The following CAT variants were observed in gnomAD, a reference collection of about 807,000 sequenced individuals.
CAT encodes catalase.
A neutral mutation model predicts 59.0 loss-of-function variants in CAT; 43 were observed. That is an observed-to-expected ratio of 0.73 (90% CI 0.57 to 0.94). The LOEUF (loss-of-function observed/expected upper bound fraction) is 0.94. Ranked by LOEUF, CAT falls within the 40% of genes least tolerant of loss-of-function variation. The probability of loss-of-function intolerance (pLI) is 0.00; values close to 1 mark genes in which losing one functional copy is unlikely to be tolerated. For synonymous variants in CAT, 218 were observed against 230.9 expected (o/e 0.94, Z 0.51); for missense variants, 664 against 682.9 (o/e 0.97, Z 0.31).
At position 34,461,339 on chromosome 11, in the gene CAT, G is replaced by T. The variant is rs777189700; in HGVS notation, c.1145G>T (p.Arg382Leu). 39 of 1,614,070 alleles carry T rather than the reference G, an allele frequency of 2.4e-5. No homozygotes were observed. The highest frequency in any genetic ancestry group is 3.2e-5 in the Non-Finnish European group (38 of 1,180,034). The stretch of plus-strand genomic sequence containing the variant: ...CCTGTGAACTGTCCCTACCGTGCTC[G>T]AGTGGCCAACTACCAGCGTGACGGC... ...HIPVNCPYRARVANYQRDGPM... is the reference protein window; with the variant it reads ...HIPVNCPYRALVANYQRDGPM... The change falls in exon 9 of 13, where the codon CGA becomes CTA. Residue 382 changes from arginine to leucine, a missense_variant. Transcript: ENST00000241052.
chr11:34,456,078 A>G lies in CAT; in HGVS notation c.779A>G (p.Tyr260Cys), dbSNP rs775923369. ...AARLSQEDPD[Y>C]GIRDLFNAIA... ...AGACTTTCCCAGGAAGATCCTGACT[A>G]TGGCATCCGGGATCTTTTTAACGCC... The change falls in exon 7 of 13, where the codon TAT becomes TGT. Residue 260 changes from tyrosine to cysteine, a missense_variant. Tyr to Cys is a radical substitution (Grantham distance 194). Transcript: ENST00000241052. 2.5e-6 allele frequency: 4 copies of G among 1,614,108 alleles called. No homozygotes were observed. Among genetic ancestry groups the G allele is most frequent in the East Asian group, 2.2e-5 (1 of 44,878 alleles).
chr11:34,443,769 G>A (rs1360246677), intron 1 of CAT, among the ~76,000 whole-genome samples: 1 of 152,120 alleles, frequency 6.6e-6, no homozygotes, highest in African/African-American at 2.4e-5. Flanking sequence ...AGTTGCCTAT[G>A]CATTATAGCC....
At chr11:34,465,787 TCTTA>T (rs1470193935) in intron 10 of CAT, among the ~76,000 whole-genome samples, 3 of 152,240 alleles carry the variant, frequency 2.0e-5, no homozygotes, top group Non-Finnish European at 2.9e-5. Context: ...CTAGCTTGTA[TCTTA>T]CTTACCGTTT....
chr11:34,451,658 TAAATG>T (rs1452555285), intron 3 of CAT, among the ~76,000 whole-genome samples: 6 of 152,204 alleles, frequency 3.9e-5, no homozygotes, highest in African/African-American at 1.4e-4. Flanking sequence ...AATGTAAAAA[TAAATG>T]AAATTAAGAA....
chr11:34,444,089 A>G (rs947893086), intron 1 of CAT, among the ~76,000 whole-genome samples: 2 of 152,148 alleles, frequency 1.3e-5, no homozygotes, highest in Non-Finnish European at 2.9e-5. Context: ...GAGGCTGACA[A>G]ATCAAGTTTC....
rs563645490 is a variant in CAT, at chr11:34,447,557, G to T, written c.67-1635G>T. Among the ~76,000 whole-genome samples, 12 of 152,280 alleles carry T rather than the reference G, an allele frequency of 7.9e-5. No homozygotes were observed. The South Asian group carries it at 2.5e-3, about 32-fold the overall frequency. ...GTGACTGGGTGGTAAGTGTTGATTG[G>T]ACCCTTAAACTGTGACAGTTTAGAA... On this transcript the variant is annotated intron_variant, in intron 1 of 12. Transcript: ENST00000241052.
Position 34,471,469 on chromosome 11 carries a change from G to C in CAT, c.*36G>C. On this transcript the variant is annotated 3_prime_UTR_variant, in exon 13 of 13. Transcript: ENST00000241052. ...CTGCACCTGTGCAGCGAAGCTTAGCGTTCATCCGTGTAACCCGCTCATCAC... is the reference window on the plus strand; with the variant it reads ...CTGCACCTGTGCAGCGAAGCTTAGCCTTCATCCGTGTAACCCGCTCATCAC... 1 of 1,558,270 alleles carries C rather than the reference G, an allele frequency of 6.4e-7. No homozygotes were observed. Among genetic ancestry groups the C allele is most frequent in the Non-Finnish European group, 8.9e-7 (1 of 1,129,038 alleles).
intron 1 of CAT, 66 bp downstream of exon 1, chr11:34,439,145 A>G: frequency 6.9e-7 from 1 of 1,446,092 alleles, no homozygotes; most frequent in South Asian, 1.2e-5. Context: ...CGGCAAGTAA[A>G]GGCCCGGCTT....
chr11:34,461,084 G>T, intron 8 of CAT, 167 bp from the exon 9 acceptor site: 1 of 781,982 alleles, frequency 1.3e-6, no homozygotes, highest in Non-Finnish European at 2.3e-6. Context: ...GGGAGAACTC[G>T]TTTCATAAGA....
intron 10 of CAT, among the ~76,000 whole-genome samples, chr11:34,467,351 A>T (rs755846263): frequency 6.3e-4 from 96 of 152,340 alleles, no homozygotes; most frequent in South Asian, 3.7e-3. Flanking sequence ...AATCCCCAGG[A>T]TATAGTACTT....
intron 2 of CAT, 106 bp downstream of exon 2, chr11:34,449,469 AT>A: frequency 1.0e-6 from 1 of 954,906 alleles, no homozygotes; most frequent in South Asian, 1.5e-5. Context: ...TCAAATCTCC[AT>A]TTGTGGGAGA....
intron 1 of CAT, among the ~76,000 whole-genome samples, chr11:34,448,443 G>A (rs1856484795): frequency 6.6e-6 from 1 of 152,210 alleles, no homozygotes; most frequent in Non-Finnish European, 1.5e-5. Flanking sequence ...CCAGGATCAT[G>A]TGGGGCTAGA....
Position 34,449,350 on chromosome 11 carries a change from T to C in CAT, c.225T>C (p.His75=), listed in dbSNP as rs747419634. The change falls in exon 2 of 13, where the codon CAT becomes CAC. Residue 75 remains histidine (H), a synonymous_variant. Coordinates refer to ENST00000241052, the MANE Select transcript of CAT (RefSeq NM_001752.4). ...AGAGAATTCCTGAGAGAGTTGTGCA[T>C]GCTAAAGGAGCAGGTAAGTGCTGTG... is the stretch of plus-strand genomic sequence containing the variant. ...DRERIPERVV[H]AKGAGAFGYF... 1.9e-6 allele frequency: 3 copies of C among 1,614,066 alleles called. No homozygotes were observed. The highest frequency in any genetic ancestry group is 2.5e-6 in the Non-Finnish European group (3 of 1,179,908).
At chr11:34,452,290 G>T in intron 4 of CAT, 83 bp downstream of exon 4, 1 of 1,324,032 alleles carries the variant, frequency 7.6e-7, no homozygotes, top group Non-Finnish European at 1.1e-6. Flanking sequence ...AGGAGAAGCC[G>T]TGGGAAAGGC....
At chr11:34,457,903 C>G (rs1856609842) in intron 8 of CAT, among the ~76,000 whole-genome samples, 1 of 152,224 alleles carries the variant, frequency 6.6e-6, no homozygotes, top group Non-Finnish European at 1.5e-5. Context: ...AGCTAAGATT[C>G]CGTTTTTAAA....
At chr11:34,465,449 G>A (rs1436305876) in intron 10 of CAT, among the ~76,000 whole-genome samples, 1 of 152,142 alleles carries the variant, frequency 6.6e-6, no homozygotes, top group East Asian at 1.9e-4. Context: ...TGATGCAGAT[G>A]ACACCAAGTA....
In CAT at chr11:34,441,306, C is replaced by G. The variant is rs536593250; in HGVS notation, c.66+2227C>G. On this transcript the variant is annotated intron_variant, in intron 1 of 12. Coordinates refer to ENST00000241052, the MANE Select transcript of CAT (RefSeq NM_001752.4). ...CTATATATCTGCCATCTAGATTCTA[C>G]AAGGAACATTTTGCCCTGTGTCTTT... is the stretch of plus-strand genomic sequence containing the variant. 2.2e-4 allele frequency among the ~76,000 whole-genome samples: 34 copies of G among 152,242 alleles called. No homozygotes were observed. The South Asian group carries it at 3.5e-3, about 16-fold the overall frequency.
At position 34,439,030 on chromosome 11, in the gene CAT, A is replaced by T; in HGVS notation, c.17A>T (p.Asp6Val). ...CCGCACGCTATGGCTGACAGCCGGGATCCCGCCAGCGACCAGATGCAGCAC... is the reference window on the plus strand; with the variant it reads ...CCGCACGCTATGGCTGACAGCCGGGTTCCCGCCAGCGACCAGATGCAGCAC... MADSR[D>V]PASDQMQHWK... The change falls in exon 1 of 13, where the codon GAT (aspartate) becomes GTT (valine). Residue 6 changes from aspartate to valine, a missense_variant. Coordinates refer to ENST00000241052, the MANE Select transcript of CAT (RefSeq NM_001752.4). 1 of 1,596,992 alleles carries T rather than the reference A, an allele frequency of 6.3e-7. No individual in the cohort carries two copies. Among genetic ancestry groups the T allele is most frequent in the Non-Finnish European group, 8.5e-7 (1 of 1,171,898 alleles).
intron 10 of CAT, among the ~76,000 whole-genome samples, chr11:34,467,682 G>A (rs905828262): frequency 1.8e-4 from 27 of 152,196 alleles, no homozygotes; most frequent in Middle Eastern, 3.4e-3. Flanking sequence ...GAGGCTGCTC[G>A]GATTCACATA....
Sources: gnomAD v4.1 joint callset for allele counts (sites outside exome capture counted in the v4.1 genomes callset) on GRCh38, gnomAD v4.1.1 for gene constraint, MANE v1.5 for transcripts, NCBI Gene and HGNC (gene_info 2026-07-23, HGNC 2026-07-21) for gene names.